Variants in CCDC102B observed in about 807,000 individuals in gnomAD.
CCDC102B encodes coiled-coil domain containing 102B.
Under a neutral mutation model 57.4 loss-of-function variants are expected in CCDC102B, and 75 were observed. The observed-to-expected ratio is 1.31, with a 90% CI of 1.08 to 1.58. CCDC102B has a LOEUF of 1.58. Among genes scored for constraint, CCDC102B ranks in the 40% most tolerant of loss-of-function variants. The pLI is 0.00. For synonymous variants in CCDC102B, 206 were observed against 201.9 expected, an observed-to-expected ratio of 1.02 and a Z score of -0.17; for missense variants, 636 against 582.6, an observed-to-expected ratio of 1.09 and a Z score of -0.94.
intron 4 of CCDC102B, among the ~76,000 whole-genome samples, chr18:68,848,186 A>G (rs1379909354): frequency 6.6e-6 from 1 of 151,936 alleles, no homozygotes; most frequent in African/African-American, 2.4e-5. Context: ...GTATAAGAGT[A>G]AAATATTCAA....
At chr18:68,984,312 C>T (rs1050058356) in intron 6 of CCDC102B, among the ~76,000 whole-genome samples, 1 of 151,972 alleles carries the variant, frequency 6.6e-6, no homozygotes, top group African/African-American at 2.4e-5. Context: ...CTTATGTAAA[C>T]AGCTAATACA....
At chr18:68,920,344 T>C (rs1599692738) in intron 6 of CCDC102B, among the ~76,000 whole-genome samples, 1 of 152,132 alleles carries the variant, frequency 6.6e-6, no homozygotes, top group African/African-American at 2.4e-5. Context: ...TGGAACAGAA[T>C]AGAGATCTCA....
chr18:69,017,627 C>T (rs2051706634), intron 7 of CCDC102B, among the ~76,000 whole-genome samples: 2 of 152,112 alleles, frequency 1.3e-5, no homozygotes, highest in African/African-American at 4.8e-5. Flanking sequence ...GCATAAACTT[C>T]TCCACATAGT....
At chr18:69,023,297 T>C (rs2051898304) in intron 7 of CCDC102B, among the ~76,000 whole-genome samples, 2 of 152,150 alleles carry the variant, frequency 1.3e-5, no homozygotes, top group Admixed American at 6.5e-5. Flanking sequence ...TTGAAATGTA[T>C]GCAGTTGAGG....
At chr18:68,844,724 C>T (rs2037782722) in intron 3 of CCDC102B, among the ~76,000 whole-genome samples, 1 of 151,768 alleles carries the variant, frequency 6.6e-6, no homozygotes, top group African/African-American at 2.4e-5. Context: ...CTAATACTTA[C>T]TGATTTATTA....
intron 6 of CCDC102B, among the ~76,000 whole-genome samples, chr18:69,003,552 T>C (rs1406901728): frequency 6.6e-6 from 1 of 152,164 alleles, no homozygotes; most frequent in Admixed American, 6.5e-5. Context: ...AAGATCCCCA[T>C]CCCTGATTGC....
intron 6 of CCDC102B, among the ~76,000 whole-genome samples, chr18:68,955,070 C>A (rs1266743161): frequency 6.6e-6 from 1 of 152,162 alleles, no homozygotes; most frequent in Non-Finnish European, 1.5e-5. Flanking sequence ...TTCCTGAAAA[C>A]TGTCAAATGA....
intron 1 of CCDC102B, among the ~76,000 whole-genome samples, chr18:68,817,863 G>A (rs1313138033): frequency 6.6e-6 from 1 of 152,118 alleles, no homozygotes; most frequent in Non-Finnish European, 1.5e-5. Context: ...GTTTTGATGA[G>A]TATTAACTTC....
intron 5 of CCDC102B, among the ~76,000 whole-genome samples, chr18:68,885,901 G>A (rs1004753635): frequency 4.6e-5 from 7 of 151,918 alleles, no homozygotes; most frequent in Middle Eastern, 3.4e-3. Flanking sequence ...AGTATTTCTC[G>A]GAAATGTGTA....
intron 5 of CCDC102B, among the ~76,000 whole-genome samples, chr18:68,879,578 A>C (rs2039598116): frequency 6.6e-6 from 1 of 152,010 alleles, no homozygotes; most frequent in African/African-American, 2.4e-5. Flanking sequence ...AGGTTCTGCA[A>C]GGCCCCACCA....
At chr18:68,909,077 T>C (rs1599672383) in intron 6 of CCDC102B, among the ~76,000 whole-genome samples, 1 of 132,370 alleles carries the variant, frequency 7.6e-6, no homozygotes, top group African/African-American at 2.9e-5. Context: ...TCCAAAGACA[T>C]AGTTTGGCAT....
chr18:68,915,984 A>T (rs948927463), intron 6 of CCDC102B, among the ~76,000 whole-genome samples: 1 of 152,206 alleles, frequency 6.6e-6, no homozygotes, highest in African/African-American at 2.4e-5. Flanking sequence ...AGGAATATTA[A>T]GCCTTATTTT....
At chr18:68,997,085 C>A (rs2051048443) in intron 6 of CCDC102B, among the ~76,000 whole-genome samples, 1 of 152,126 alleles carries the variant, frequency 6.6e-6, no homozygotes, top group Non-Finnish European at 1.5e-5. Flanking sequence ...TTCCTGCCAC[C>A]ATGTAAAGAA....
At chr18:68,859,088 G>A (rs1407374270) in intron 4 of CCDC102B, 1 of 151,402 alleles carries the variant, frequency 6.6e-6, no homozygotes, top group Non-Finnish European at 1.5e-5. Flanking sequence ...GCATGGTACT[G>A]GTACCAAAAC....
In CCDC102B at chr18:68,903,280, A is replaced by G. The variant is rs962077379; in HGVS notation, c.1263+5852A>G. 3.9e-5 allele frequency among the ~76,000 whole-genome samples: 6 copies of G among 152,082 alleles called. No homozygotes were observed. In the East Asian group the frequency reaches 1.2e-3, roughly 29 times the overall value. On this transcript the variant is annotated intron_variant, in intron 6 of 7. Transcript: ENST00000360242. Reference sequence around the variant, plus strand: ...TCCTAAACCATTTTTATGCTCTTACACTCCCTTTCCTCCCTTTGTTCACAT... The same window carrying G: ...TCCTAAACCATTTTTATGCTCTTACGCTCCCTTTCCTCCCTTTGTTCACAT...
intron 6 of CCDC102B, among the ~76,000 whole-genome samples, chr18:68,943,599 T>C (rs973397845): frequency 7.9e-5 from 12 of 152,148 alleles, no homozygotes; most frequent in African/African-American, 2.7e-4. Context: ...AATAAAGACG[T>C]TGTTCATTCA....
chr18:69,004,017 T>C (rs1007671648), intron 6 of CCDC102B, among the ~76,000 whole-genome samples: 2 of 152,216 alleles, frequency 1.3e-5, no homozygotes, highest in Non-Finnish European at 2.9e-5. Context: ...TTGTTACTTA[T>C]AGAGATCCAA....
chr18:68,854,401 CATAAT>C (rs2038289613), intron 4 of CCDC102B, among the ~76,000 whole-genome samples: 3 of 152,224 alleles, frequency 2.0e-5, no homozygotes, highest in African/African-American at 7.2e-5. Flanking sequence ...TGCCCGGCAG[CATAAT>C]ACCTTTTCTA....
intron 2 of CCDC102B, among the ~76,000 whole-genome samples, chr18:68,736,509 T>C (rs1232614609): frequency 6.6e-6 from 1 of 152,250 alleles, no homozygotes; most frequent in African/African-American, 2.4e-5. Context: ...CATCTTTATA[T>C]CATTGTGTTC....
Sources: allele counts gnomAD v4.1 joint callset (sites outside exome capture counted in the v4.1 genomes callset), GRCh38; gene constraint gnomAD v4.1.1; transcripts MANE v1.5; gene names NCBI Gene and HGNC (gene_info 2026-07-23, HGNC 2026-07-21).